The following KIAA1671 variants were observed in gnomAD, a reference collection of about 807,000 sequenced individuals.
KIAA1671 encodes the protein uncharacterized protein KIAA1671.
A neutral mutation model predicts 131.2 loss-of-function variants in KIAA1671; 52 were observed. That is an observed-to-expected ratio of 0.40 (90% CI 0.32 to 0.50). The LOEUF (loss-of-function observed/expected upper bound fraction) is 0.50. KIAA1671 is among the 20% of genes least tolerant of loss of function. KIAA1671 has a pLI of 0.73. For missense variants in KIAA1671, 2,360 were observed against 2,364.2 expected (o/e 1.00, Z 0.04); for synonymous variants, 1,003 against 961.6 (o/e 1.04, Z -0.80).
intron 11 of KIAA1671, among the ~76,000 whole-genome samples, chr22:25,188,959 T>C (rs1205457038): frequency 1.3e-5 from 2 of 152,050 alleles, no homozygotes; most frequent in East Asian, 1.9e-4. Flanking sequence ...TGTATGCACA[T>C]GTAGACACAC....
At chr22:24,958,273 G>A (rs1200027932) in intron 1 of KIAA1671, among the ~76,000 whole-genome samples, 3 of 151,614 alleles carry the variant, frequency 2.0e-5, no homozygotes, top group Admixed American at 1.3e-4. Context: ...TAATCCCAGC[G>A]CTTTGGGAGG....
At chr22:25,178,783 A>AC (rs1934138738) in intron 9 of KIAA1671, among the ~76,000 whole-genome samples, 1 of 147,218 alleles carries the variant, frequency 6.8e-6, no homozygotes, top group African/African-American at 2.5e-5. Context: ...GCCCCCACCC[A>AC]CCCCCTGCCA....
intron 7 of KIAA1671, among the ~76,000 whole-genome samples, chr22:25,173,724 C>G (rs1175826779): frequency 6.6e-6 from 1 of 152,184 alleles, no homozygotes; most frequent in Non-Finnish European, 1.5e-5. Context: ...AAGTGAAATT[C>G]AATTTAGGGA....
In KIAA1671 at chr22:25,039,326, A is replaced by G. The variant is rs1926787502; in HGVS notation, c.2196A>G (p.Arg732=). ...NPPTSQRIEP[R]YDIVHAVGER... ...CCACATCGCAGAGAATTGAGCCCAG[A>G]TATGACATTGTGCATGCAGTGGGAG... The change falls in exon 5 of 13, where the codon AGA becomes AGG. Residue 732 remains arginine (R), a synonymous_variant. Coordinates refer to ENST00000358431, the MANE Select transcript of KIAA1671 (RefSeq NM_001145206.2). 1.3e-6 allele frequency: 2 copies of G among 1,552,060 alleles called. No individual in the cohort carries two copies. Among genetic ancestry groups the G allele is most frequent in the Non-Finnish European group, 1.7e-6 (2 of 1,147,088 alleles).
intron 6 of KIAA1671, among the ~76,000 whole-genome samples, chr22:25,145,801 A>G (rs1034574130): frequency 5.9e-5 from 9 of 152,150 alleles, no homozygotes; most frequent in African/African-American, 2.2e-4. Flanking sequence ...CTAGCTGCAT[A>G]TGGTGGCAGG....
Position 25,029,199 on chromosome 22 carries a change from T to A in KIAA1671, c.1200T>A (p.Ala400=), listed in dbSNP as rs1390940134. 1 of 1,457,716 alleles carries A rather than the reference T, an allele frequency of 6.9e-7. No individual in the cohort carries two copies. Among genetic ancestry groups the A allele is most frequent in the African/African-American group, 1.4e-5 (1 of 70,016 alleles). The allele number at this position is 1,457,716 out of a possible 1,614,324, so 90.3% of individuals were successfully genotyped here. A position where few individuals can be genotyped will look rare whatever the true frequency, so the allele number is the denominator to read the frequency against. ...TGGACCCAGAGCCAGAGAAGGCTGC[T>A]GAGTCCCCCTCACCCAGGCTGGGAA... ...AKLDPEPEKA[A]ESPSPRLGRG... is the part of the protein sequence containing the mutation. Residue 400 remains alanine (A), a synonymous_variant, in exon 3 of 13, where the codon GCT becomes GCA. Transcript: ENST00000358431.
chr22:25,178,514 G>C (rs920641307), intron 9 of KIAA1671, among the ~76,000 whole-genome samples: 10 of 152,276 alleles, frequency 6.6e-5, no homozygotes, highest in Non-Finnish European at 1.5e-4. Context: ...CTGGTGGGGA[G>C]GGGCGGCGGG....
intron 6 of KIAA1671, among the ~76,000 whole-genome samples, chr22:25,132,252 T>C (rs1410180150): frequency 6.6e-6 from 1 of 151,828 alleles, no homozygotes; most frequent in Non-Finnish European, 1.5e-5. Context: ...AGAACGGAGG[T>C]TCTCAAACAA....
intron 6 of KIAA1671, among the ~76,000 whole-genome samples, chr22:25,089,672 G>C (rs1929928058): frequency 6.6e-6 from 1 of 152,082 alleles, no homozygotes; most frequent in Admixed American, 6.5e-5. Context: ...TTCTATATCA[G>C]CATAATAGGT....
intron 1 of KIAA1671, among the ~76,000 whole-genome samples, chr22:25,022,138 A>G (rs1173066442): frequency 2.6e-5 from 4 of 152,186 alleles, no homozygotes; most frequent in Admixed American, 6.6e-5. Context: ...GACTAAGGTC[A>G]CATTCCGGAA....
chr22:25,020,303 A>G (rs887591226), intron 1 of KIAA1671, among the ~76,000 whole-genome samples: 1 of 152,200 alleles, frequency 6.6e-6, no homozygotes, highest in Non-Finnish European at 1.5e-5. Flanking sequence ...CACAAGATGC[A>G]CAGTCATTTA....
At chr22:25,147,955 T>C (rs1321915112) in intron 6 of KIAA1671, among the ~76,000 whole-genome samples, 1 of 151,946 alleles carries the variant, frequency 6.6e-6, no homozygotes, top group African/African-American at 2.4e-5. Flanking sequence ...GATCTGTCCT[T>C]CCTCCTTTCC....
chr22:25,038,111 A>G (rs973276499), intron 4 of KIAA1671, among the ~76,000 whole-genome samples: 1 of 152,198 alleles, frequency 6.6e-6, no homozygotes, highest in African/African-American at 2.4e-5. Context: ...TGCTAGGATT[A>G]CAGGTTTGAG....
At chr22:25,103,203 C>T (rs528172498) in intron 6 of KIAA1671, among the ~76,000 whole-genome samples, 3 of 140,448 alleles carry the variant, frequency 2.1e-5, no homozygotes, top group Admixed American at 1.5e-4. Context: ...CAAGTCCCCC[C>T]CCAACCGCCT....
intron 6 of KIAA1671, among the ~76,000 whole-genome samples, chr22:25,067,794 G>A (rs1357454659): frequency 6.6e-6 from 1 of 152,214 alleles, no homozygotes; most frequent in Non-Finnish European, 1.5e-5. Context: ...TGTCAGCCAA[G>A]GGGTGTCAGA....
At chr22:25,170,490 GCC>G (rs1933809418) in intron 6 of KIAA1671, among the ~76,000 whole-genome samples, 1 of 152,230 alleles carries the variant, frequency 6.6e-6, no homozygotes, top group Non-Finnish European at 1.5e-5. Flanking sequence ...AGAGAAGTGT[GCC>G]CAGGCTGTAC....
At chr22:25,007,806 GC>G (rs1488077775) in intron 1 of KIAA1671, among the ~76,000 whole-genome samples, 1 of 152,100 alleles carries the variant, frequency 6.6e-6, no homozygotes, top group Non-Finnish European at 1.5e-5. Context: ...CTGCAGGATT[GC>G]CTCTGAGCTG....
In KIAA1671 at chr22:25,181,721, G is replaced by C. The variant is rs763279; in HGVS notation, c.5097G>C (p.Glu1699Asp). 1 of 1,551,354 alleles carries C rather than the reference G, an allele frequency of 6.4e-7. No individual in the cohort carries two copies. Among genetic ancestry groups the C allele is most frequent in the Admixed American group, 2.0e-5 (1 of 50,972 alleles). Residue 1699 changes from glutamate to aspartate, a missense_variant, in exon 10 of 13, where the codon GAG becomes GAC. By Grantham distance (45) the Glu-to-Asp change is conservative (BLOSUM62 2). This residue lies in a region of KIAA1671 where 1,161 missense variants were observed against 1,204.7 expected (regional missense o/e 0.96). Transcript: ENST00000358431. The stretch of plus-strand genomic sequence containing the variant: ...CAGAGGAGAAATCACCCAGGAAGGA[G>C]GAGTCGGATGAGGAGGAGACGGCAT... ...DSTEEKSPRK[E>D]ESDEEETASK...
chr22:24,992,191 C>T (rs1923878192), intron 1 of KIAA1671, among the ~76,000 whole-genome samples: 1 of 152,114 alleles, frequency 6.6e-6, no homozygotes, highest in Non-Finnish European at 1.5e-5. Flanking sequence ...GAGTTTGGAC[C>T]CTGTAGGAGC....
Sources: gnomAD v4.1 joint callset for allele counts (sites outside exome capture counted in the v4.1 genomes callset) on GRCh38, gnomAD v4.1.1 for gene constraint, gnomAD v4.1.1 regional missense constraint, MANE v1.5 for transcripts, NCBI Gene and HGNC (gene_info 2026-07-23, HGNC 2026-07-21) for gene names.